CEP290: variants seen among roughly 807,000 people sequenced by gnomAD.
CEP290 encodes the protein centrosomal protein 290.
Under a neutral mutation model 344.9 loss-of-function variants are expected in CEP290, and 317 were observed. The observed-to-expected ratio is 0.92, with a 90% CI of 0.84 to 1.01. CEP290 has a LOEUF of 1.01. CEP290 is among the 50% of genes least tolerant of loss of function. CEP290 has a pLI of 0.00. For missense variants in CEP290, 2,754 were observed against 2,761.4 expected, an observed-to-expected ratio of 1.00 and a Z score of 0.06; for synonymous variants, 932 against 895.8, an observed-to-expected ratio of 1.04 and a Z score of -0.72.
intron 13 of CEP290, among the ~76,000 whole-genome samples, 168 bp downstream of exon 13, chr12:88,125,078 T>A (rs1451660102): frequency 6.6e-6 from 1 of 151,924 alleles, no homozygotes; most frequent in South Asian, 2.1e-4. Flanking sequence ...CATTTACAAA[T>A]GTAAGCACTA....
chr12:88,083,003 AT>A, intron 37 of CEP290, 27 bp downstream of exon 37: 1 of 1,312,666 alleles, frequency 7.6e-7, no homozygotes, highest in Non-Finnish European at 1.0e-6. Context: ...TCATTTGCCT[AT>A]TTTTACAATA....
Position 88,077,210 on chromosome 12 carries a change from T to C in CEP290, c.5709+12A>G, listed in dbSNP as rs371010287. Reference sequence around the variant, plus strand: ...ACCTTAAGCATATAAGTCAGTATGTTTCTTCACATACCTTTTCTTTCATAG... The same window carrying C: ...ACCTTAAGCATATAAGTCAGTATGTCTCTTCACATACCTTTTCTTTCATAG... On this transcript the variant is annotated intron_variant, in intron 41 of 53. Transcript: ENST00000552810. 4.2e-5 allele frequency: 67 copies of C among 1,598,738 alleles called. No homozygotes were observed. Among genetic ancestry groups the C allele is most frequent in the Non-Finnish European group, 5.4e-5 (64 of 1,175,004 alleles).
Position 88,055,665 on chromosome 12 carries a change from GA to G in CEP290, c.6870del (p.Gln2291LysfsTer10). 6.4e-7 allele frequency: 1 copy of G among 1,552,060 alleles called. No individual in the cohort carries two copies. The highest frequency in any genetic ancestry group is 8.7e-7 in the Non-Finnish European group (1 of 1,149,242). On this transcript the variant is annotated frameshift_variant, in exon 50 of 54. Coordinates refer to ENST00000552810, the MANE Select transcript of CEP290 (RefSeq NM_025114.4). LOFTEE classifies it high-confidence loss of function. The part of the protein sequence containing the change: ...KELETDIAKK[N>X]QSITDLKQLV... ...AGCTGTTTAAGGTCAGTAATGCTTT[GA>G]TTTTTTTTGGCAATATCAGTTTCCA... is the stretch of plus-strand genomic sequence containing the variant.
chr12:88,063,526 G>T (rs2034647438), intron 45 of CEP290, among the ~76,000 whole-genome samples: 1 of 151,880 alleles, frequency 6.6e-6, no homozygotes, highest in Admixed American at 6.6e-5. Context: ...TATTTTTCTA[G>T]TATCTGTATG....
At chr12:88,136,573 T>C in intron 6 of CEP290, 70 bp downstream of exon 6, 2 of 1,423,854 alleles carry the variant, frequency 1.4e-6, no homozygotes, top group Non-Finnish European at 9.8e-7. Context: ...AAATTGATAT[T>C]GTTACCAATA....
chr12:88,070,091 A>C (rs2035254002), intron 43 of CEP290, among the ~76,000 whole-genome samples: 1 of 152,146 alleles, frequency 6.6e-6, no homozygotes. Flanking sequence ...AGAGATTGTA[A>C]AGCACACACA....
At chr12:88,054,279 A>AAAACTAC in intron 51 of CEP290, 61 bp downstream of exon 51, 5 of 1,138,402 alleles carry the variant, frequency 4.4e-6, no homozygotes, top group Non-Finnish European at 6.3e-6. Context: ...GGAGTATATA[A>AAAACTAC]AAACTAATAA....
At chr12:88,110,884 T>C (rs2038639113) in intron 22 of CEP290, among the ~76,000 whole-genome samples, 1 of 152,140 alleles carries the variant, frequency 6.6e-6, no homozygotes, top group Non-Finnish European at 1.5e-5. Context: ...AACCATATAT[T>C]TCACATGAAT....
At chr12:88,106,036 A>G (rs2038251113) in intron 25 of CEP290, among the ~76,000 whole-genome samples, 1 of 152,210 alleles carries the variant, frequency 6.6e-6, no homozygotes, top group Non-Finnish European at 1.5e-5. Context: ...AATTATAGGC[A>G]TGAGCCACCA....
rs762397066 is a variant in CEP290, at chr12:88,062,695, T to C, written c.6354A>G (p.Arg2118=). The C allele has an allele frequency of 3.1e-6, 5 of 1,600,304 alleles. No individual in the cohort carries two copies. The South Asian group carries it at 5.6e-5, about 18-fold the overall frequency. ...AEVQRKLGHV[R]GSGRSGKTIP... ...TGTATGGTAAATTCTCACATACCCC[T>C]CTAACATGGCCAAGTTTCCGCTGAA... Residue 2118 remains arginine (R), a synonymous_variant, in exon 46 of 54, where the codon AGA becomes AGG. Transcript: ENST00000552810.
At chr12:88,088,363 T>C (rs1262922852) in intron 31 of CEP290, among the ~76,000 whole-genome samples, 1 of 152,148 alleles carries the variant, frequency 6.6e-6, no homozygotes, top group Non-Finnish European at 1.5e-5. Flanking sequence ...ATATTAAAAG[T>C]AAATGTGGGC....
chr12:88,121,159 T>G lies in CEP290; in HGVS notation c.1197A>C (p.Ser399=). ...KNELQRNKGA[S]TLSQQTHMKI... Reference sequence around the variant, plus strand: ...TCATATGAGTCTGTTGAGAAAGGGTTGAAGCACCTACAGAGTAAAAACAAA... The same window carrying G: ...TCATATGAGTCTGTTGAGAAAGGGTGGAAGCACCTACAGAGTAAAAACAAA... Residue 399 remains serine (S), a synonymous_variant, in exon 14 of 54, where the codon TCA becomes TCC. Coordinates refer to ENST00000552810, the MANE Select transcript of CEP290 (RefSeq NM_025114.4). 1 of 1,611,552 alleles carries G rather than the reference T, an allele frequency of 6.2e-7. No individual in the cohort carries two copies. Among genetic ancestry groups the G allele is most frequent in the Non-Finnish European group, 8.5e-7 (1 of 1,178,990 alleles).
intron 21 of CEP290, 59 bp from the exon 22 acceptor site, chr12:88,111,410 T>G (rs2038681226): frequency 6.9e-7 from 1 of 1,456,276 alleles, no homozygotes; most frequent in African/African-American, 1.4e-5. Flanking sequence ...AAAGACAAAT[T>G]GACAGATATG....
chr12:88,075,277 T>G (rs571551645), intron 41 of CEP290, among the ~76,000 whole-genome samples: 2 of 25,082 alleles, frequency 8.0e-5, no homozygotes, highest in African/African-American at 1.7e-4. Flanking sequence ...TTTGAGAACT[T>G]TTTCCAAAAC....
Position 88,089,609 on chromosome 12 carries a change from A to G in CEP290, c.3574-122T>C, listed in dbSNP as rs972957154. ...TAACACAGTGGCACATGAGATCTAC[A>G]AAAATGTAACTTTGCTTTAATACAA... On this transcript the variant is annotated intron_variant, in intron 30 of 53. Coordinates refer to ENST00000552810, the MANE Select transcript of CEP290 (RefSeq NM_025114.4). The G allele has an allele frequency of 1.6e-5, 10 of 615,958 alleles. No individual in the cohort carries two copies. The African/African-American group carries it at 1.9e-4, about 12-fold the overall frequency. 38.2% of individuals were successfully genotyped at this position (615,958 alleles called of 1,614,324 possible).
intron 19 of CEP290, 147 bp from the exon 20 acceptor site, chr12:88,114,709 A>T (rs2137786736): frequency 1.4e-6 from 1 of 708,708 alleles, no homozygotes. Flanking sequence ...TTCAACTATA[A>T]ATCCAACGTG....
rs2039988022 is a variant in CEP290, at chr12:88,130,326, T to C, written c.611A>G (p.Tyr204Cys). ...GTTTTTTTTAGACAACTGTGATCGG[T>C]AGTCACTGTCTTCCCCTCTTCTTGA... is the stretch of plus-strand genomic sequence containing the variant. ...LLSRRGEDSD[Y>C]RSQLSKKNYE... The change falls in exon 9 of 54, where the codon TAC becomes TGC. Residue 204 changes from tyrosine (Y) to cysteine (C), a missense_variant. Physicochemically the swap from Tyr to Cys is radical, Grantham distance 194 (BLOSUM62 -2). Transcript: ENST00000552810. The C allele has an allele frequency of 1.2e-6, 2 of 1,608,752 alleles. No individual in the cohort carries two copies. The highest frequency in any genetic ancestry group is 1.7e-6 in the Non-Finnish European group (2 of 1,178,068).
chr12:88,095,785 T>A (rs2037380994), intron 27 of CEP290, among the ~76,000 whole-genome samples: 1 of 152,178 alleles, frequency 6.6e-6, no homozygotes, highest in South Asian at 2.1e-4. Context: ...CAAATTTATT[T>A]GAAAATTATG....
chr12:88,138,680 C>T (rs1226332197), intron 5 of CEP290, among the ~76,000 whole-genome samples: 5 of 152,190 alleles, frequency 3.3e-5, no homozygotes, highest in African/African-American at 1.2e-4. Flanking sequence ...TCCACTCATC[C>T]TCCTCTCCTA....
Sources: gnomAD v4.1 joint callset for allele counts (sites outside exome capture counted in the v4.1 genomes callset) on GRCh38, gnomAD v4.1.1 for gene constraint, MANE v1.5 for transcripts, NCBI Gene and HGNC (gene_info 2026-07-23, HGNC 2026-07-21) for gene names.